NAV1: variants seen among roughly 807,000 people sequenced by gnomAD.
NAV1 encodes pore membrane and/or filament interacting like protein 3.
NAV1 carries 18 observed loss-of-function variants against 175.2 expected under a neutral mutation model. The observed-to-expected ratio is 0.10, with a 90% CI of 0.07 to 0.15. The LOEUF (loss-of-function observed/expected upper bound fraction) is 0.15. Among genes scored for constraint, NAV1 ranks in the 10% least tolerant of loss-of-function variants. The pLI is 1.00. For synonymous variants in NAV1, 897 were observed against 978.7 expected, an observed-to-expected ratio of 0.92 and a Z score of 1.56; for missense variants, 1,731 against 2,436.6, an observed-to-expected ratio of 0.71 and a Z score of 6.10.
At chr1:201,786,680 C>A in intron 9 of NAV1, 103 bp downstream of exon 13, 1 of 1,183,200 alleles carries the variant, frequency 8.5e-7, no homozygotes, top group South Asian at 1.5e-5. Flanking sequence ...ATGTTTGACT[C>A]ATGCTGTATT....
intron 1 of NAV1, among the ~76,000 whole-genome samples, chr1:201,680,461 G>C (rs551630538): frequency 2.0e-5 from 3 of 152,010 alleles, no homozygotes; most frequent in Admixed American, 6.6e-5. Flanking sequence ...AGCCGAGATC[G>C]CGCCATTGCA....
intron 1 of NAV1, among the ~76,000 whole-genome samples, chr1:201,578,327 C>G (rs1267781774): frequency 6.6e-6 from 1 of 152,104 alleles, no homozygotes; most frequent in African/African-American, 2.4e-5. Flanking sequence ...TTAAAATTTT[C>G]CATTTGGTTC....
rs1210312266 is a variant in NAV1 at position 201,718,002 on chromosome 1, A to G, written c.861-388A>G. On this transcript the variant is annotated intron_variant, in intron 2 of 29. Transcript: ENST00000367296. The surrounding 1 kb of genome is among the most constrained non-coding windows in gnomAD (Gnocchi z 4.8). ...TGTCTGTACATATGTGATCCTTACA[A>G]CTCTATAAGGTAGATGTTATGCCAT... is the stretch of plus-strand genomic sequence containing the variant. 6.6e-6 allele frequency among the ~76,000 whole-genome samples: 1 copy of G among 151,990 alleles called. No homozygotes were observed. The highest frequency in any genetic ancestry group is 6.6e-5 in the Admixed American group (1 of 15,258).
chr1:201,557,842 G>A (rs1169283742), intron 1 of NAV1, among the ~76,000 whole-genome samples: 1 of 152,190 alleles, frequency 6.6e-6, no homozygotes, highest in Non-Finnish European at 1.5e-5. Flanking sequence ...GGAGTTGGCT[G>A]TAGAAGGACG....
chr1:201,739,804 C>G, intron 3 of NAV1: 1 of 1,227,808 alleles, frequency 8.1e-7, no homozygotes, highest in East Asian at 3.2e-5. Context: ...AAGTCAGCGG[C>G]GGGGAAATGG....
Position 201,790,885 on chromosome 1 carries a change from T to G in NAV1, c.3321+119T>G. ...CCCCTGGACTGAGACGTCAAGGGCA[T>G]GCGTCTTCTTCACAGCTCTATGATA... On this transcript the variant is annotated intron_variant, in intron 13 of 29. Transcript: ENST00000367296. 8.0e-6 allele frequency: 7 copies of G among 872,562 alleles called. No individual in the cohort carries two copies. The South Asian group carries it at 9.3e-5, about 12-fold the overall frequency. 54.1% of individuals were successfully genotyped at this position (872,562 alleles called of 1,614,324 possible).
Position 201,764,367 on chromosome 1 carries a change from T to C in NAV1, c.1227-16054T>C, listed in dbSNP as rs576506306. Among the ~76,000 whole-genome samples, 3 of 152,344 alleles carry C rather than the reference T, an allele frequency of 2.0e-5. No homozygotes were observed. In the South Asian group the frequency reaches 6.2e-4, roughly 32 times the overall value. On this transcript the variant is annotated intron_variant, in intron 3 of 29. Transcript: ENST00000367296. ...AGGTGCCATCTGGGTTGGTTTCTGA[T>C]GAGGCCTCTCTTCCTGGCTGTAGAC...
At chr1:201,796,591 G>C (rs1456615130) in intron 15 of NAV1, 1 of 149,348 alleles carries the variant, frequency 6.7e-6, no homozygotes. Context: ...GCGTCCCAAA[G>C]TGCTGGGATT....
chr1:201,671,543 TTTGCTCATC>T (rs1372630353), intron 1 of NAV1, among the ~76,000 whole-genome samples: 1 of 152,176 alleles, frequency 6.6e-6, no homozygotes, highest in Non-Finnish European at 1.5e-5. Flanking sequence ...GGGGCCTCAA[TTTGCTCATC>T]TCTCCTAAAT....
At chr1:201,621,973 G>C (rs1668185523), upstream of NAV1, among the ~76,000 whole-genome samples, 1 of 152,216 alleles carries the variant, frequency 6.6e-6, no homozygotes, top group Non-Finnish European at 1.5e-5. Context: ...TGGTGAAGGG[G>C]GAAGGGTTGA....
chr1:201,675,323 G>A (rs886065044), intron 1 of NAV1, among the ~76,000 whole-genome samples: 1 of 152,110 alleles, frequency 6.6e-6, no homozygotes, highest in Admixed American at 6.5e-5. Flanking sequence ...TCCTACTGCT[G>A]CCTGTCCCCT....
At chr1:201,643,988 G>A (rs891958378), upstream of NAV1, among the ~76,000 whole-genome samples, 10 of 152,268 alleles carry the variant, frequency 6.6e-5, no homozygotes, top group African/African-American at 1.9e-4. Flanking sequence ...TCATCCTATC[G>A]CCATTCCAGA....
intron 1 of NAV1, among the ~76,000 whole-genome samples, chr1:201,543,047 T>C (rs1254985689): frequency 6.6e-6 from 1 of 152,272 alleles, no homozygotes. Context: ...GGATTTTCTA[T>C]ACATAGGATC....
intron 2 of NAV1, among the ~76,000 whole-genome samples, chr1:201,638,144 C>T (rs631225): frequency 0.81 from 123,855 of 152,060 alleles, 50,633 homozygotes; most frequent in Admixed American, 0.87. Context: ...TGACCAGCTG[C>T]ATATATTCTC....
chr1:201,752,725 A>G (rs892095047), intron 3 of NAV1, among the ~76,000 whole-genome samples: 4 of 152,114 alleles, frequency 2.6e-5, no homozygotes, highest in Non-Finnish European at 4.4e-5. Context: ...GAGGCGAGGT[A>G]GGGAAAAGTC....
At chr1:201,649,719 C>G (rs1346112187) in intron 1 of NAV1, among the ~76,000 whole-genome samples, 5 of 152,174 alleles carry the variant, frequency 3.3e-5, no homozygotes, top group Non-Finnish European at 5.9e-5. Flanking sequence ...TACAGGCTCT[C>G]AGAAATAGAG....
At chr1:201,746,993 C>CAA (rs35001839) in intron 3 of NAV1, among the ~76,000 whole-genome samples, 43 of 132,848 alleles carry the variant, frequency 3.2e-4, no homozygotes, top group African/African-American at 1.1e-3. Flanking sequence ...GACCCTGTCT[C>CAA]AAAAAAAAAA....
At chr1:201,602,865 A>G (rs1488030134) in intron 2 of NAV1, among the ~76,000 whole-genome samples, 1 of 151,686 alleles carries the variant, frequency 6.6e-6, no homozygotes, top group African/African-American at 2.4e-5. Flanking sequence ...CAGCCTCCCC[A>G]TCCTGACAAG....
intron 1 of NAV1, among the ~76,000 whole-genome samples, chr1:201,684,690 G>T (rs1447210145): frequency 6.6e-6 from 1 of 151,866 alleles, no homozygotes; most frequent in Non-Finnish European, 1.5e-5. Context: ...GGCCAGGCTG[G>T]TCTCGAACTC....
Sources: gnomAD v4.1 joint callset for allele counts (sites outside exome capture counted in the v4.1 genomes callset) on GRCh38, gnomAD v4.1.1 for gene constraint, Gnocchi (gnomAD v3.1) non-coding constraint, MANE v1.5 for transcripts, NCBI Gene and HGNC (gene_info 2026-07-23, HGNC 2026-07-21) for gene names.